Variants in RUNX1T1 observed in about 807,000 individuals in gnomAD.
RUNX1T1 encodes RUNX1 partner transcriptional co-repressor 1.
RUNX1T1 carries 4 observed loss-of-function variants against 62.8 expected under a neutral mutation model. The ratio of observed to expected loss-of-function variants is 0.06; its 90% confidence interval spans 0.03 to 0.15. The LOEUF (loss-of-function observed/expected upper bound fraction) is 0.15, where lower values mean the gene tolerates loss of function less well. RUNX1T1 is among the 10% of genes least tolerant of loss of function. The probability of loss-of-function intolerance (pLI) is 1.00; values close to 1 mark genes in which losing one functional copy is unlikely to be tolerated. For synonymous variants in RUNX1T1, 291 were observed against 286.0 expected (o/e 1.02, Z -0.18); for missense variants, 508 against 754.3 (o/e 0.67, Z 3.82).
At chr8:92,002,794 G>T (rs1820019311) in intron 5 of RUNX1T1, among the ~76,000 whole-genome samples, 1 of 152,072 alleles carries the variant, frequency 6.6e-6, no homozygotes, top group African/African-American at 2.4e-5. Context: ...AAAAAGCTCT[G>T]CTGTCAGACA....
upstream of RUNX1T1, among the ~76,000 whole-genome samples, chr8:92,100,298 T>G (rs1233442550): frequency 6.6e-6 from 1 of 152,180 alleles, no homozygotes; most frequent in East Asian, 1.9e-4. Flanking sequence ...ATAGACTGTT[T>G]TCTCCACTGC....
intron 1 of RUNX1T1, among the ~76,000 whole-genome samples, chr8:92,026,478 T>TA (rs1456319358): frequency 6.6e-6 from 1 of 152,228 alleles, no homozygotes; most frequent in Non-Finnish European, 1.5e-5. Flanking sequence ...AAAACTGGGA[T>TA]ATGAACTGCA....
chr8:92,064,575 T>C (rs1232033213), upstream of RUNX1T1, among the ~76,000 whole-genome samples: 3 of 152,184 alleles, frequency 2.0e-5, no homozygotes, highest in Non-Finnish European at 2.9e-5. Context: ...CTTTCATTTT[T>C]AAAGAGAGTA....
At chr8:92,102,957 C>T, upstream of RUNX1T1, 1 of 1,471,606 alleles carries the variant, frequency 6.8e-7, no homozygotes, top group Non-Finnish European at 9.0e-7. The surrounding 1 kb of genome is among the most constrained non-coding windows in gnomAD (Gnocchi z 4.5). Context: ...GGGGCGAGGA[C>T]GCGGCGCGGC....
intron 1 of RUNX1T1, among the ~76,000 whole-genome samples, chr8:92,032,401 G>A (rs1458938975): frequency 6.6e-6 from 1 of 152,054 alleles, no homozygotes; most frequent in East Asian, 1.9e-4. Flanking sequence ...AAAAACTGCA[G>A]TAAAAAATTA....
rs373424201 is a variant in RUNX1T1, at chr8:92,024,812, C to T, written c.8-7449G>A. 3.9e-5 allele frequency among the ~76,000 whole-genome samples: 6 copies of T among 152,264 alleles called. No homozygotes were observed. In the East Asian group the frequency reaches 9.7e-4, roughly 25 times the overall value. On this transcript the variant is annotated intron_variant, in intron 1 of 10. Coordinates refer to ENST00000396218, the Ensembl canonical transcript of RUNX1T1. ...ATTTTCCCCTAAGTTCCTTCTTAGA[C>T]CCTTTTCAAATTTTCACTTTATACT...
chr8:91,975,485 G>A (rs1002098872), intron 9 of RUNX1T1, among the ~76,000 whole-genome samples: 4 of 135,182 alleles, frequency 3.0e-5, no homozygotes, highest in East Asian at 2.2e-4. Flanking sequence ...TGTTGGTTTC[G>A]TTTTTTTTTT....
intron 1 of RUNX1T1, among the ~76,000 whole-genome samples, chr8:92,026,344 T>C (rs1486762601): frequency 6.6e-6 from 1 of 152,174 alleles, no homozygotes; most frequent in East Asian, 1.9e-4. Flanking sequence ...GCCCACTTTA[T>C]AAAAAAGGAA....
exon 11 of RUNX1T1, chr8:91,960,190 T>C: frequency 6.4e-7 from 1 of 1,552,080 alleles, no homozygotes; most frequent in Non-Finnish European, 8.8e-7. Flanking sequence ...GGATGAGGAA[T>C]TGGTTTCGCG....
chr8:92,074,991 C>A lies in RUNX1T1; in HGVS notation c.88+974G>T, dbSNP rs150226404. Among the ~76,000 whole-genome samples, 7 of 152,326 alleles carry A rather than the reference C, an allele frequency of 4.6e-5. No individual in the cohort carries two copies. In the South Asian group the frequency reaches 1.0e-3, roughly 23 times the overall value. ...AAAAAACAACAACTTTATTTTCCAA[C>A]ACCTTCCTGAGAACTTTAAGAACAA... is the stretch of plus-strand genomic sequence containing the variant. On this transcript the variant is annotated intron_variant, in intron 2 of 11. Coordinates refer to the RUNX1T1 transcript ENST00000265814.
intron 2 of RUNX1T1, among the ~76,000 whole-genome samples, chr8:92,075,668 T>C (rs1275572219): frequency 6.6e-6 from 1 of 152,140 alleles, no homozygotes; most frequent in East Asian, 1.9e-4. Context: ...AACAGATGTA[T>C]TATGAAACAT....
At chr8:92,044,464 C>T (rs10441534) in intron 1 of RUNX1T1, among the ~76,000 whole-genome samples, 33,837 of 152,034 alleles carry the variant, frequency 0.22, 3,913 homozygotes, top group Middle Eastern at 0.27. Context: ...GGGTATAAGT[C>T]TGTTGTGTCT....
chr8:91,988,124 G>T (rs1220063255), intron 6 of RUNX1T1, among the ~76,000 whole-genome samples: 1 of 151,922 alleles, frequency 6.6e-6, no homozygotes, highest in Non-Finnish European at 1.5e-5. Context: ...AGATTTAAGT[G>T]GTTATAAATC....
exon 11 of RUNX1T1, chr8:91,959,642 A>C (rs2737802): frequency 8.8e-6 from 2 of 226,222 alleles, no homozygotes; most frequent in Non-Finnish European, 1.8e-5. Flanking sequence ...CAGGAAAAAA[A>C]CCGAACATCT....
intron 1 of RUNX1T1, among the ~76,000 whole-genome samples, chr8:92,023,887 C>T (rs1824605616): frequency 6.6e-6 from 1 of 152,162 alleles, no homozygotes; most frequent in African/African-American, 2.4e-5. Flanking sequence ...TAGGCAGTAT[C>T]AGTCCTTCTC....
At chr8:91,959,450 G>A (rs371437375) in exon 11 of RUNX1T1, 56,633 of 145,464 alleles carry the variant, frequency 0.39, 10,037 homozygotes, top group South Asian at 0.59. Flanking sequence ...GTGTGTGTGT[G>A]TGTGTGTGTG....
intron 1 of RUNX1T1, among the ~76,000 whole-genome samples, chr8:92,092,600 T>C (rs1837201904): frequency 1.3e-5 from 2 of 152,202 alleles, no homozygotes; most frequent in Admixed American, 6.5e-5. Context: ...GGCAGTAAGT[T>C]AAAAATTGTA....
chr8:92,070,846 T>G (rs1013216085), intron 2 of RUNX1T1, among the ~76,000 whole-genome samples: 2 of 152,194 alleles, frequency 1.3e-5, no homozygotes, highest in African/African-American at 4.8e-5. Context: ...AGAATCCTAA[T>G]GAAGTAGTTG....
Position 91,986,822 on chromosome 8 carries a change from C to A in RUNX1T1, c.996+65G>T, listed in dbSNP as rs78493064. On this transcript the variant is annotated intron_variant, in intron 7 of 10. Transcript: ENST00000396218. ...AAGGATCACCAAGCTTTTATTTTAT[C>A]ACATAACCTCACTCCAGTTGTTTTC... The A allele has an allele frequency of 2.9e-6, 3 of 1,028,790 alleles. No individual in the cohort carries two copies. The Admixed American group carries it at 5.1e-5, about 17-fold the overall frequency. The allele number at this position is 1,028,790 out of a possible 1,614,324, so 63.7% of individuals were successfully genotyped here.
Sources: gnomAD v4.1 joint callset for allele counts (sites outside exome capture counted in the v4.1 genomes callset) on GRCh38, gnomAD v4.1.1 for gene constraint, Gnocchi (gnomAD v3.1) non-coding constraint, MANE v1.5 for transcripts, NCBI Gene and HGNC (gene_info 2026-07-23, HGNC 2026-07-21) for gene names.